NDST1: variants seen among roughly 807,000 people sequenced by gnomAD.
NDST1 encodes the protein bifunctional heparan sulfate N-deacetylase/N-sulfotransferase 1.
In NDST1, 35 loss-of-function variants were observed where a neutral mutation model predicts 92.8. The ratio of observed to expected loss-of-function variants is 0.38; its 90% CI spans 0.29 to 0.50. The LOEUF is 0.50. Ranked by LOEUF, NDST1 falls within the 20% of genes least tolerant of loss-of-function variation. The pLI, the probability that NDST1 is intolerant of heterozygous loss-of-function variation, is 0.94. For synonymous variants in NDST1, 493 were observed against 500.3 expected, an observed-to-expected ratio of 0.99 and a Z score of 0.19; for missense variants, 822 against 1,182.7, an observed-to-expected ratio of 0.69 and a Z score of 4.47.
At chr5:150,500,208 A>G (rs1753169571) in intron 1 of NDST1, among the ~76,000 whole-genome samples, 1 of 152,224 alleles carries the variant, frequency 6.6e-6, no homozygotes, top group South Asian at 2.1e-4. Context: ...AAATGCATGC[A>G]GATTGCTGCC....
intron 1 of NDST1, among the ~76,000 whole-genome samples, chr5:150,514,400 T>C (rs1421865305): frequency 6.6e-6 from 1 of 151,958 alleles, no homozygotes; most frequent in Non-Finnish European, 1.5e-5. Context: ...CAAAACCGCA[T>C]ATCTACAAAA....
At chr5:150,498,633 G>A (rs1753098353) in intron 1 of NDST1, among the ~76,000 whole-genome samples, 1 of 152,192 alleles carries the variant, frequency 6.6e-6, no homozygotes, top group Admixed American at 6.5e-5. Context: ...GGTCTGGCCA[G>A]GCAGGGCACG....
At position 150,528,049 on chromosome 5, in the gene NDST1, C is replaced by T. The variant is rs190961294; in HGVS notation, c.759C>T (p.Gly253=). The T allele has an allele frequency of 1.9e-5, 31 of 1,613,592 alleles. No homozygotes were observed. The East Asian group carries it at 3.1e-4, about 16-fold the overall frequency. The change falls in exon 3 of 15, where the codon GGC becomes GGT. Residue 253 remains glycine (G), a synonymous_variant. Coordinates refer to ENST00000261797, the MANE Select transcript of NDST1 (RefSeq NM_001543.5). ...CGTCTGAGTCCATCCCACACCTGGG[C>T]GCAGACGCCGGCCTGCATGCTGCAC... The part of the protein sequence containing the change: ...TRSSESIPHL[G]ADAGLHAALH...
In NDST1 at chr5:150,521,381, C is replaced by T. The variant is rs1433448746; in HGVS notation, c.127C>T (p.Arg43Ter). 1.2e-6 allele frequency: 2 copies of T among 1,613,516 alleles called. No individual in the cohort carries two copies. Among genetic ancestry groups the T allele is most frequent in the Admixed American group, 3.3e-5 (2 of 60,034 alleles). The change falls in exon 2 of 15, where the codon CGA (arginine) becomes TGA (stop). Residue 43 changes from arginine to a stop codon, truncating the protein, a stop_gained. Transcript: ENST00000261797. LOFTEE classifies it high-confidence loss of function. This position sits in a 1 kb window ranked among gnomAD's most constrained non-coding sequence, Gnocchi z 5.9. ...ISAYYLYGWK[R>*]GLEPSADAPE... Reference sequence around the variant, plus strand: ...GGCCTACTACCTATATGGCTGGAAGCGAGGCCTGGAGCCCTCGGCGGATGC... The same window carrying T: ...GGCCTACTACCTATATGGCTGGAAGTGAGGCCTGGAGCCCTCGGCGGATGC...
chr5:150,535,658 A>G lies in NDST1; in HGVS notation c.1252-42A>G, dbSNP rs372154533. 9.9e-4 allele frequency: 1,586 copies of G among 1,606,240 alleles called. 2 individuals are homozygous for G. The highest frequency in any genetic ancestry group is 2.6e-3 in the Middle Eastern group (16 of 6,042). On this transcript the variant is annotated intron_variant, in intron 5 of 14. Transcript: ENST00000261797. ...AAGGGGGGATAAGGCCCAAAGGGGA[A>G]GGACCCCTATGCTCACCCTGGCCTG...
At chr5:150,551,625 A>G (rs1401443719) in intron 13 of NDST1, 128 bp from the exon 14 acceptor site, 13 of 1,175,600 alleles carry the variant, frequency 1.1e-5, no homozygotes, top group African/African-American at 7.6e-5. Context: ...AGCTTCTGAC[A>G]GTCCATGTGG....
chr5:150,545,768 A>G (rs1048798166), intron 11 of NDST1, among the ~76,000 whole-genome samples: 5 of 152,218 alleles, frequency 3.3e-5, no homozygotes, highest in African/African-American at 1.2e-4. Flanking sequence ...TTACGCCTAG[A>G]GGAAGCTTAG....
chr5:150,536,915 G>A (rs115129541), intron 6 of NDST1, among the ~76,000 whole-genome samples: 1,879 of 152,342 alleles, frequency 0.012, 21 homozygotes, highest in South Asian at 0.061. Flanking sequence ...TGCACAGAAC[G>A]GAGGAAAGTT....
chr5:150,535,114 T>A, intron 5 of NDST1, 93 bp downstream of exon 5: 1 of 1,522,524 alleles, frequency 6.6e-7, no homozygotes, highest in Non-Finnish European at 8.9e-7. Flanking sequence ...TGCAGTCTGC[T>A]CTGACGGATT....
intron 1 of NDST1, among the ~76,000 whole-genome samples, chr5:150,510,594 C>T (rs1410196242): frequency 2.6e-5 from 4 of 152,190 alleles, no homozygotes; most frequent in South Asian, 2.1e-4. Context: ...TATGTTTGCT[C>T]GGTAAGCCCT....
Position 150,553,458 on chromosome 5 carries a change from A to G in NDST1, c.*126A>G. The G allele has an allele frequency of 3.0e-6, 4 of 1,350,492 alleles. No homozygotes were observed. Among genetic ancestry groups the G allele is most frequent in the Non-Finnish European group, 2.1e-6 (2 of 957,730 alleles). The allele number at this position is 1,350,492 out of a possible 1,614,324, so 83.7% of individuals were successfully genotyped here. On this transcript the variant is annotated 3_prime_UTR_variant, in exon 15 of 15. Transcript: ENST00000261797. The surrounding 1 kb of genome is among the most constrained non-coding windows in gnomAD (Gnocchi z 4.2). ...CGCACTTATGAGCAATACTCTGTGG[A>G]GGTCTGGTGGGGCTGGGGGAGCACC... is the stretch of plus-strand genomic sequence containing the variant.
chr5:150,501,382 G>A (rs771822394), intron 1 of NDST1, among the ~76,000 whole-genome samples: 1 of 152,198 alleles, frequency 6.6e-6, no homozygotes. Context: ...GGACTCAGAA[G>A]TTCTCCCTCA....
At chr5:150,543,358 G>A (rs80020504) in intron 10 of NDST1, among the ~76,000 whole-genome samples, 3,512 of 152,234 alleles carry the variant, frequency 0.023, 136 homozygotes, top group East Asian at 0.16. Flanking sequence ...GTTCTTGTGG[G>A]CCCTTCAGGG....
intron 1 of NDST1, among the ~76,000 whole-genome samples, chr5:150,502,820 G>C (rs1044376804): frequency 6.6e-6 from 1 of 151,990 alleles, no homozygotes; most frequent in Non-Finnish European, 1.5e-5. Context: ...GGGGGCGGAA[G>C]GGTGGGGTGG....
chr5:150,515,918 C>T (rs555172014), intron 1 of NDST1, among the ~76,000 whole-genome samples: 12 of 152,250 alleles, frequency 7.9e-5, no homozygotes, highest in East Asian at 1.9e-4. Context: ...CTTTGCCAGC[C>T]GGCTGAGTGG....
At chr5:150,551,565 A>G (rs1376897956) in intron 13 of NDST1, among the ~76,000 whole-genome samples, 188 bp from the exon 14 acceptor site, 1 of 152,246 alleles carries the variant, frequency 6.6e-6, no homozygotes, top group Non-Finnish European at 1.5e-5. Flanking sequence ...GAAGTAGGAC[A>G]GGCACGTTTA....
Position 150,551,750 on chromosome 5 carries a change from C to G in NDST1, c.2427-3C>G, listed in dbSNP as rs763839310. On this transcript the variant is annotated splice_region_variant and splice_polypyrimidine_tract_variant and intron_variant, in intron 13 of 14. Coordinates refer to ENST00000261797, the MANE Select transcript of NDST1 (RefSeq NM_001543.5). ...CCATCCAAAGACTTTCCCACCTCCACAGGTTTGATCCAAAGAAAGGATTTT... is the reference window on the plus strand; with the variant it reads ...CCATCCAAAGACTTTCCCACCTCCAGAGGTTTGATCCAAAGAAAGGATTTT... 1.2e-6 allele frequency: 2 copies of G among 1,612,428 alleles called. No homozygotes were observed. Among genetic ancestry groups the G allele is most frequent in the African/African-American group, 1.3e-5 (1 of 74,878 alleles).
chr5:150,498,754 T>C (rs933592301), intron 1 of NDST1, among the ~76,000 whole-genome samples: 1 of 152,228 alleles, frequency 6.6e-6, no homozygotes, highest in Non-Finnish European at 1.5e-5. Flanking sequence ...GGACCCTTGC[T>C]ATTCTGCCAC....
At chr5:150,529,399 A>G (rs958759834) in intron 3 of NDST1, among the ~76,000 whole-genome samples, 2 of 151,802 alleles carry the variant, frequency 1.3e-5, no homozygotes, top group African/African-American at 4.8e-5. Flanking sequence ...TCAAAAAAAA[A>G]AAAAAAAAAA....
Sources: allele counts gnomAD v4.1 joint callset (sites outside exome capture counted in the v4.1 genomes callset), GRCh38; gene constraint gnomAD v4.1.1; non-coding constraint Gnocchi (gnomAD v3.1); transcripts MANE v1.5; gene names NCBI Gene and HGNC (gene_info 2026-07-23, HGNC 2026-07-21).